SORCS2: variants seen among roughly 807,000 people sequenced by gnomAD.
The protein encoded by SORCS2 is VPS10 domain-containing receptor SorCS2.
SORCS2 carries 100 observed loss-of-function variants against 141.6 expected under a neutral mutation model. The observed-to-expected ratio is 0.71, with a 90% CI of 0.60 to 0.83. SORCS2 has a LOEUF of 0.83. Among genes scored for constraint, SORCS2 ranks in the 40% least tolerant of loss-of-function variants. The pLI is 0.00. For synonymous variants in SORCS2, 789 were observed against 676.9 expected (o/e 1.17, Z -2.57); for missense variants, 1,646 against 1,560.2 (o/e 1.05, Z -0.93).
At chr4:7,634,649 A>AG (rs1369311307) in intron 3 of SORCS2, among the ~76,000 whole-genome samples, 7 of 152,180 alleles carry the variant, frequency 4.6e-5, no homozygotes, top group African/African-American at 1.7e-4. Flanking sequence ...TCCATCTTCG[A>AG]GGAGGGGGGT....
chr4:7,632,689 G>A (rs574392922), intron 3 of SORCS2, among the ~76,000 whole-genome samples: 1 of 152,290 alleles, frequency 6.6e-6, no homozygotes, highest in African/African-American at 2.4e-5. Flanking sequence ...TGTACCCAGA[G>A]CCCCCCGGCT....
At chr4:7,328,392 C>T (rs530476496) in intron 1 of SORCS2, among the ~76,000 whole-genome samples, 3 of 152,108 alleles carry the variant, frequency 2.0e-5, no homozygotes, top group Non-Finnish European at 2.9e-5. Context: ...TTCTAGGAGG[C>T]AGGAGCTGTG....
At chr4:7,588,927 G>A (rs1043653538) in intron 3 of SORCS2, among the ~76,000 whole-genome samples, 12 of 152,192 alleles carry the variant, frequency 7.9e-5, no homozygotes, top group African/African-American at 2.9e-4. Context: ...CAGAGGACGT[G>A]GACATCAAGT....
At chr4:7,689,611 G>A (rs1281262408) in intron 11 of SORCS2, 23 bp downstream of exon 11, 6 of 1,557,028 alleles carry the variant, frequency 3.9e-6, no homozygotes, top group Admixed American at 1.9e-5. Flanking sequence ...CATCACAGGT[G>A]GCTGGCAGGT....
chr4:7,668,731 G>C (rs1162141508), intron 8 of SORCS2, among the ~76,000 whole-genome samples: 1 of 152,204 alleles, frequency 6.6e-6, no homozygotes, highest in Non-Finnish European at 1.5e-5. Context: ...TTTCATTTCA[G>C]GCAAAGGCAG....
chr4:7,368,136 G>A (rs1021131600), intron 1 of SORCS2, among the ~76,000 whole-genome samples: 1 of 152,226 alleles, frequency 6.6e-6, no homozygotes, highest in African/African-American at 2.4e-5. Context: ...GTGCTGGGTT[G>A]ATGAATGTGC....
chr4:7,515,999 G>C (rs1201212082), intron 2 of SORCS2, among the ~76,000 whole-genome samples: 1 of 152,208 alleles, frequency 6.6e-6, no homozygotes, highest in Non-Finnish European at 1.5e-5. Flanking sequence ...TCGCAGCAGG[G>C]TTTAGGGGCT....
At chr4:7,704,405 C>G in intron 14 of SORCS2, 121 bp downstream of exon 14, 1 of 861,672 alleles carries the variant, frequency 1.2e-6, no homozygotes, top group Non-Finnish European at 1.8e-6. Context: ...TGCCACCTGC[C>G]CCAGGTCCCC....
chr4:7,600,824 C>T (rs1047616838), intron 3 of SORCS2, among the ~76,000 whole-genome samples: 9 of 152,148 alleles, frequency 5.9e-5, no homozygotes, highest in African/African-American at 1.4e-4. Context: ...TATGGAGATA[C>T]ACTAGTTTAC....
At chr4:7,292,219 C>T (rs867233863) in intron 1 of SORCS2, among the ~76,000 whole-genome samples, 8 of 152,048 alleles carry the variant, frequency 5.3e-5, no homozygotes, top group Non-Finnish European at 1.0e-4. Flanking sequence ...GGCTCCCCAC[C>T]ATTCGCAGTC....
At chr4:7,386,659 A>G (rs901960917) in intron 1 of SORCS2, among the ~76,000 whole-genome samples, 5 of 151,686 alleles carry the variant, frequency 3.3e-5, no homozygotes, top group Non-Finnish European at 7.4e-5. Context: ...ACAGAAATAC[A>G]TGCACACACA....
intron 9 of SORCS2, among the ~76,000 whole-genome samples, chr4:7,681,497 A>G (rs748052447): frequency 6.8e-4 from 103 of 152,218 alleles, no homozygotes; most frequent in Non-Finnish European, 1.2e-3. Context: ...AAGGCAAGGA[A>G]AGGGAAGCTC....
rs546343112 is a variant in SORCS2, at chr4:7,464,715, CAAAT to C, written c.549-66811_549-66808del. 2.6e-3 allele frequency among the ~76,000 whole-genome samples: 403 copies of C among 152,278 alleles called. 4 individuals carry two copies. Among genetic ancestry groups the C allele is most frequent in the African/African-American group, 9.2e-3 (382 of 41,550 alleles). On this transcript the variant is annotated intron_variant, in intron 2 of 26. Coordinates refer to ENST00000507866, the MANE Select transcript of SORCS2 (RefSeq NM_020777.3). Reference sequence around the variant, plus strand: ...TGACCATTTCCATTGGGATCAATGACAAATAAAAAACAGAAAGCTCACCTTGAAT... The same window carrying C: ...TGACCATTTCCATTGGGATCAATGACAAAAAACAGAAAGCTCACCTTGAAT...
intron 1 of SORCS2, among the ~76,000 whole-genome samples, chr4:7,362,153 GAGAGAACAA>G (rs1225752959): frequency 1.3e-5 from 2 of 152,136 alleles, no homozygotes; most frequent in African/African-American, 4.8e-5. Flanking sequence ...AGGGGGCTGT[GAGAGAACAA>G]GATGGCAAGA....
At chr4:7,510,572 G>C (rs74842100) in intron 2 of SORCS2, among the ~76,000 whole-genome samples, 1 of 150,364 alleles carries the variant, frequency 6.7e-6, no homozygotes, top group African/African-American at 2.5e-5. Flanking sequence ...CAGGAAATGC[G>C]ACCCCGGGGC....
At chr4:7,644,624 A>C (rs868042169) in intron 4 of SORCS2, among the ~76,000 whole-genome samples, 128 of 152,240 alleles carry the variant, frequency 8.4e-4, no homozygotes, top group African/African-American at 3.0e-3. Flanking sequence ...ATCACATCCA[A>C]CTGCCACTAA....
chr4:7,243,370 G>A (rs879528488), intron 1 of SORCS2, among the ~76,000 whole-genome samples: 11 of 152,134 alleles, frequency 7.2e-5, no homozygotes, highest in Non-Finnish European at 1.5e-4. Context: ...TGTCCCCTGC[G>A]TGATGGTCTC....
chr4:7,300,063 G>C (rs1241461055), intron 1 of SORCS2, among the ~76,000 whole-genome samples: 3 of 152,212 alleles, frequency 2.0e-5, no homozygotes, highest in African/African-American at 7.2e-5. Context: ...ATCAGGACGA[G>C]AGAGGATGGC....
At chr4:7,540,466 G>A (rs1375137096) in intron 3 of SORCS2, among the ~76,000 whole-genome samples, 1 of 152,194 alleles carries the variant, frequency 6.6e-6, no homozygotes, top group Non-Finnish European at 1.5e-5. Context: ...CCTGTGCTTT[G>A]TGGGACCCAC....
Sources: gnomAD v4.1 joint callset for allele counts (sites outside exome capture counted in the v4.1 genomes callset) on GRCh38, gnomAD v4.1.1 for gene constraint, MANE v1.5 for transcripts, NCBI Gene and HGNC (gene_info 2026-07-23, HGNC 2026-07-21) for gene names.